PAX3: variants seen among roughly 807,000 people sequenced by gnomAD.
PAX3 encodes paired box protein Pax-3.
PAX3 carries 14 observed loss-of-function variants against 51.6 expected under a neutral mutation model. The observed-to-expected ratio is 0.27, with a 90% CI of 0.18 to 0.42. The LOEUF is 0.42. Ranked by LOEUF, PAX3 falls within the 10% of genes least tolerant of loss-of-function variation. The pLI is 1.00. For synonymous variants in PAX3, 280 were observed against 253.4 expected, an observed-to-expected ratio of 1.11 and a Z score of -1.00; for missense variants, 540 against 642.8, an observed-to-expected ratio of 0.84 and a Z score of 1.73.
At chr2:222,203,219 T>C (rs1367543144) in intron 7 of PAX3, among the ~76,000 whole-genome samples, 1 of 151,246 alleles carries the variant, frequency 6.6e-6, no homozygotes, top group South Asian at 2.1e-4. Flanking sequence ...TCAAGATCCC[T>C]GACCCTTACA....
chr2:222,203,831 C>A (rs1246131843), intron 7 of PAX3, among the ~76,000 whole-genome samples: 1 of 152,146 alleles, frequency 6.6e-6, no homozygotes, highest in Non-Finnish European at 1.5e-5. Flanking sequence ...AGAGATCCAC[C>A]TTCTGTGGAT....
At chr2:222,221,878 A>G (rs556336325) in intron 5 of PAX3, among the ~76,000 whole-genome samples, 19 of 151,952 alleles carry the variant, frequency 1.3e-4, no homozygotes, top group Non-Finnish European at 2.6e-4. Flanking sequence ...GGATGGTCAT[A>G]TAAATTGAAC....
chr2:222,230,008 A>G (rs1448372443), intron 5 of PAX3, among the ~76,000 whole-genome samples: 1 of 151,952 alleles, frequency 6.6e-6, no homozygotes, highest in Admixed American at 6.6e-5. Flanking sequence ...ACATGGCAAA[A>G]TCCCATCTCT....
At chr2:222,249,920 G>C (rs1437371095) in intron 4 of PAX3, among the ~76,000 whole-genome samples, 2 of 152,146 alleles carry the variant, frequency 1.3e-5, no homozygotes, top group African/African-American at 4.8e-5. Flanking sequence ...AAGCTACCTA[G>C]AGTCTTTGAT....
At chr2:222,204,936 T>C (rs1465208080) in intron 7 of PAX3, among the ~76,000 whole-genome samples, 1 of 152,178 alleles carries the variant, frequency 6.6e-6, no homozygotes, top group Non-Finnish European at 1.5e-5. Flanking sequence ...CCATGAGCTA[T>C]ATGTACATTT....
chr2:222,254,734 ATCATAGACTC>A (rs1574698747), intron 4 of PAX3, among the ~76,000 whole-genome samples: 1 of 152,194 alleles, frequency 6.6e-6, no homozygotes, highest in East Asian at 1.9e-4. Flanking sequence ...CATGGCATTT[ATCATAGACTC>A]TCATATATTT....
chr2:222,298,226 G>A (rs2106206857), intron 1 of PAX3: 1 of 437,098 alleles, frequency 2.3e-6, no homozygotes, highest in East Asian at 3.7e-5. Context: ...AGTTGCTTCT[G>A]CCGCTCAGAA....
Position 222,285,058 on chromosome 2 carries a change from T to C in PAX3, c.586+9109A>G, listed in dbSNP as rs1203890926. ...CAAGACAAAAAGCATTCAATTGCTT[T>C]AGTGAACCTCAATTGGGAAACTGGC... On this transcript the variant is annotated intron_variant, in intron 4 of 8. Coordinates refer to ENST00000392070, the MANE Select transcript of PAX3 (RefSeq NM_181458.4). 2.6e-5 allele frequency among the ~76,000 whole-genome samples: 4 copies of C among 152,216 alleles called. No homozygotes were observed. In the East Asian group the frequency reaches 5.8e-4, roughly 22 times the overall value.
rs571855984 is a variant in PAX3, at chr2:222,200,986, A to G, written c.*422T>C. 1.6e-6 allele frequency: 1 copy of G among 627,934 alleles called. No homozygotes were observed. The highest frequency in any genetic ancestry group is 2.8e-6 in the Non-Finnish European group (1 of 353,472). 38.9% of individuals were successfully genotyped at this position (627,934 alleles called of 1,614,324 possible). ...ATGTTATACTTTAGGGTATTCTATT[A>G]TATTTTAGAACAGTCTGCTTGCCCA... On this transcript the variant is annotated 3_prime_UTR_variant, in exon 9 of 9. Transcript: ENST00000392070.
intron 4 of PAX3, among the ~76,000 whole-genome samples, chr2:222,249,635 C>T (rs1028896469): frequency 2.0e-5 from 3 of 152,198 alleles, no homozygotes; most frequent in Admixed American, 2.0e-4. Flanking sequence ...GCATAGTCTA[C>T]AAAATCACAT....
chr2:222,205,912 A>G (rs1691486876), intron 7 of PAX3, among the ~76,000 whole-genome samples: 1 of 152,180 alleles, frequency 6.6e-6, no homozygotes, highest in Admixed American at 6.6e-5. Context: ...TTGGTAAATG[A>G]ACTTCTTTGA....
intron 4 of PAX3, among the ~76,000 whole-genome samples, chr2:222,267,524 T>C (rs1489726042): frequency 1.3e-5 from 2 of 152,246 alleles, no homozygotes; most frequent in African/African-American, 2.4e-5. Context: ...AGTTACTGCT[T>C]ACTATTGGTA....
chr2:222,269,751 T>C (rs893319765), intron 4 of PAX3, among the ~76,000 whole-genome samples: 5 of 152,024 alleles, frequency 3.3e-5, no homozygotes, highest in African/African-American at 1.2e-4. Context: ...AGTTCAACAA[T>C]ATGCCGAGAT....
At chr2:222,250,434 A>T (rs1412372756) in intron 4 of PAX3, among the ~76,000 whole-genome samples, 6 of 152,154 alleles carry the variant, frequency 3.9e-5, no homozygotes, top group Non-Finnish European at 7.4e-5. Flanking sequence ...AAAAAAATCA[A>T]ATACCACTAA....
chr2:222,239,354 G>C (rs575861736), intron 4 of PAX3, among the ~76,000 whole-genome samples: 10 of 152,102 alleles, frequency 6.6e-5, no homozygotes, highest in Admixed American at 3.3e-4. Context: ...AGAGAAGGAG[G>C]GGGGAGGTTG....
intron 5 of PAX3, among the ~76,000 whole-genome samples, chr2:222,228,053 G>C (rs555041712): frequency 1.3e-5 from 2 of 152,302 alleles, no homozygotes; most frequent in Non-Finnish European, 2.9e-5. Flanking sequence ...CACTCAAACT[G>C]AGTTGACTTG....
chr2:222,244,841 A>G (rs1320382403), intron 4 of PAX3, among the ~76,000 whole-genome samples: 2 of 152,038 alleles, frequency 1.3e-5, no homozygotes, highest in Non-Finnish European at 2.9e-5. Flanking sequence ...CAGGACCTGT[A>G]TCTGTACTGT....
intron 7 of PAX3, among the ~76,000 whole-genome samples, chr2:222,210,989 C>T (rs942219139): frequency 6.6e-6 from 1 of 152,106 alleles, no homozygotes; most frequent in Non-Finnish European, 1.5e-5. Context: ...ACCTCAGCCT[C>T]CTGAGTAGTT....
intron 4 of PAX3, among the ~76,000 whole-genome samples, chr2:222,254,628 A>G (rs1693566583): frequency 6.6e-6 from 1 of 152,200 alleles, no homozygotes; most frequent in African/African-American, 2.4e-5. Context: ...AACTACCAAA[A>G]GATCCCTTAG....
Sources: gnomAD v4.1 joint callset for allele counts (sites outside exome capture counted in the v4.1 genomes callset) on GRCh38, gnomAD v4.1.1 for gene constraint, MANE v1.5 for transcripts, NCBI Gene and HGNC (gene_info 2026-07-23, HGNC 2026-07-21) for gene names.